Variants in EDIL3 observed in about 807,000 individuals in gnomAD.
EDIL3 encodes EGF-like repeat and discoidin I-like domain-containing protein 3.
A neutral mutation model predicts 67.4 loss-of-function variants in EDIL3; 37 were observed. The observed-to-expected ratio is 0.55, with a 90% confidence interval of 0.42 to 0.72. The LOEUF is 0.72. EDIL3 is among the 30% of genes least tolerant of loss of function. EDIL3 has a pLI of 0.00. For missense variants in EDIL3, 527 were observed against 586.3 expected (o/e 0.90, Z 1.04); for synonymous variants, 195 against 196.3 (o/e 0.99, Z 0.05).
At chr5:84,131,686 C>A (rs1747969550) in intron 5 of EDIL3, among the ~76,000 whole-genome samples, 2 of 152,148 alleles carry the variant, frequency 1.3e-5, no homozygotes, top group African/African-American at 4.8e-5. Context: ...ATTTAAAGTA[C>A]TTAGGAAAGT....
chr5:83,940,685 GA>G lies in EDIL3; in HGVS notation c.*2733del, dbSNP rs199990942. The G allele has an allele frequency of 3.6e-4, 55 of 151,876 alleles. 1 individual carries two copies. The East Asian group carries it at 9.9e-3, about 27-fold the overall frequency. 9.4% of individuals were successfully genotyped at this position (151,876 alleles called of 1,614,324 possible). ...TACGTGATATAAGTATATATACAAA[GA>G]AAAAAACAACATTGGAATATTACAC... On this transcript the variant is annotated 3_prime_UTR_variant, in exon 11 of 11. Transcript: ENST00000296591.
At chr5:84,174,427 G>C (rs1246069633) in intron 4 of EDIL3, among the ~76,000 whole-genome samples, 1 of 152,182 alleles carries the variant, frequency 6.6e-6, no homozygotes, top group Non-Finnish European at 1.5e-5. Context: ...ACATTCATCA[G>C]TTCAAAGGGC....
At chr5:84,272,433 TTTATC>T (rs1745495932) in intron 1 of EDIL3, among the ~76,000 whole-genome samples, 1 of 152,118 alleles carries the variant, frequency 6.6e-6, no homozygotes, top group Non-Finnish European at 1.5e-5. Flanking sequence ...TTTTAACTTA[TTTATC>T]AAAGATTTGT....
chr5:84,220,832 TTG>T (rs1404322857), intron 3 of EDIL3, among the ~76,000 whole-genome samples: 1 of 152,184 alleles, frequency 6.6e-6, no homozygotes, highest in Non-Finnish European at 1.5e-5. Flanking sequence ...GAAAGCATTT[TTG>T]TGCCCTCTCT....
At chr5:84,355,275 G>A (rs1434855183) in intron 1 of EDIL3, among the ~76,000 whole-genome samples, 5 of 151,414 alleles carry the variant, frequency 3.3e-5, no homozygotes, top group Admixed American at 6.6e-5. Context: ...TGATTAATTC[G>A]GCTATTGGTA....
At chr5:84,211,723 G>A (rs1266927590) in intron 3 of EDIL3, among the ~76,000 whole-genome samples, 2 of 152,228 alleles carry the variant, frequency 1.3e-5, no homozygotes, top group Non-Finnish European at 2.9e-5. Flanking sequence ...AGAACCCTCA[G>A]AGAGAGCATG....
chr5:84,068,900 C>T (rs1202121214), intron 6 of EDIL3, among the ~76,000 whole-genome samples: 1 of 152,052 alleles, frequency 6.6e-6, no homozygotes, highest in Non-Finnish European at 1.5e-5. Flanking sequence ...CTAAGTAAGC[C>T]TTGGAGGAAA....
chr5:84,143,219 C>T (rs893444331), intron 4 of EDIL3, among the ~76,000 whole-genome samples: 2 of 152,056 alleles, frequency 1.3e-5, no homozygotes, highest in Non-Finnish European at 2.9e-5. Context: ...TTCCCAGTCA[C>T]TTCTGTGACC....
chr5:84,117,025 T>A (rs941085416), intron 5 of EDIL3, among the ~76,000 whole-genome samples: 1 of 124,356 alleles, frequency 8.0e-6, no homozygotes, highest in Non-Finnish European at 1.6e-5. Flanking sequence ...TACTTATTTT[T>A]TTTTTTTTTT....
intron 5 of EDIL3, among the ~76,000 whole-genome samples, chr5:84,121,999 C>A (rs901375596): frequency 1.3e-5 from 2 of 151,948 alleles, no homozygotes; most frequent in African/African-American, 2.4e-5. Context: ...TCAAAAACAT[C>A]ATTGATCAAT....
At chr5:84,262,623 AATTC>A (rs1232005963) in intron 1 of EDIL3, among the ~76,000 whole-genome samples, 1 of 149,100 alleles carries the variant, frequency 6.7e-6, no homozygotes, top group Non-Finnish European at 1.5e-5. Context: ...ATAACCAGGA[AATTC>A]AACCATAAAC....
chr5:84,238,909 C>T (rs532315914), intron 2 of EDIL3, among the ~76,000 whole-genome samples: 11 of 152,028 alleles, frequency 7.2e-5, no homozygotes, highest in African/African-American at 2.7e-4. Flanking sequence ...AGGGTGGGCC[C>T]ACACCACATT....
intron 1 of EDIL3, among the ~76,000 whole-genome samples, chr5:84,344,486 G>T (rs190660591): frequency 1.3e-5 from 2 of 151,794 alleles, no homozygotes; most frequent in African/African-American, 4.8e-5. Flanking sequence ...TTTTAAACAC[G>T]TTACCAACAA....
At chr5:84,169,582 C>T (rs1397589172) in intron 4 of EDIL3, among the ~76,000 whole-genome samples, 1 of 151,226 alleles carries the variant, frequency 6.6e-6, no homozygotes, top group African/African-American at 2.4e-5. Context: ...ACTAATCTAT[C>T]CTCCATTTCT....
rs772050783 is a variant in EDIL3, at chr5:83,963,285, C to T, written c.1213G>A (p.Val405Ile). The T allele has an allele frequency of 1.2e-5, 20 of 1,610,390 alleles. No individual in the cohort carries two copies. Among genetic ancestry groups the T allele is most frequent in the Non-Finnish European group, 1.7e-5 (20 of 1,177,758 alleles). Residue 405 changes from valine (V) to isoleucine (I), a missense_variant, in exon 10 of 11, where the codon GTT becomes ATT. Val to Ile is a conservative substitution (Grantham distance 29). Around this residue, in one of 2 missense-constraint regions of EDIL3, gnomAD observed 494 missense variants for 522.5 expected, o/e 0.95. Transcript: ENST00000296591. ...CTGTAAGCCAGTTTGTAGGAGCCAA[C>T]AAACTGTACATGACCAAAATCTTTA... ...GAKDFGHVQF[V>I]GSYKLAYSND...
intron 4 of EDIL3, among the ~76,000 whole-genome samples, chr5:84,165,537 G>A (rs1748690054): frequency 6.6e-6 from 1 of 152,140 alleles, no homozygotes; most frequent in Non-Finnish European, 1.5e-5. Context: ...TAGGCTGTGA[G>A]AATGTAGCAT....
chr5:84,133,899 A>G (rs983299480), intron 5 of EDIL3, among the ~76,000 whole-genome samples: 50 of 152,244 alleles, frequency 3.3e-4, no homozygotes, highest in African/African-American at 1.2e-3. Context: ...TATTTAAATC[A>G]GAAATATGTA....
chr5:84,165,029 G>A (rs1197853160), intron 4 of EDIL3, among the ~76,000 whole-genome samples: 1 of 152,020 alleles, frequency 6.6e-6, no homozygotes, highest in African/African-American at 2.4e-5. Flanking sequence ...ATGGCAAGTG[G>A]CTAACTTTAG....
intron 2 of EDIL3, among the ~76,000 whole-genome samples, chr5:84,244,791 C>G (rs1374089209): frequency 2.0e-5 from 3 of 152,148 alleles, no homozygotes; most frequent in African/African-American, 7.2e-5. Flanking sequence ...GGGGTCCTAC[C>G]AGTCCGTGGC....
Sources: gnomAD v4.1 joint callset for allele counts (sites outside exome capture counted in the v4.1 genomes callset) on GRCh38, gnomAD v4.1.1 for gene constraint, gnomAD v4.1.1 regional missense constraint, MANE v1.5 for transcripts, NCBI Gene and HGNC (gene_info 2026-07-23, HGNC 2026-07-21) for gene names.